The following ITSN2 variants were observed in gnomAD, a reference collection of about 807,000 sequenced individuals.
ITSN2 encodes the protein intersectin-2.
In ITSN2, 156 loss-of-function variants were observed where a neutral mutation model predicts 243.7. That is an observed-to-expected ratio of 0.64 (90% CI 0.56 to 0.73). ITSN2 has a LOEUF of 0.73. Among genes scored for constraint, ITSN2 ranks in the 30% least tolerant of loss-of-function variants. The pLI is 0.00. For missense variants in ITSN2, 1,801 were observed against 1,996.1 expected (o/e 0.90, Z 1.86); for synonymous variants, 703 against 699.9 (o/e 1.00, Z -0.07).
chr2:24,299,133 G>C (rs950139666), intron 12 of ITSN2, among the ~76,000 whole-genome samples: 1 of 150,152 alleles, frequency 6.7e-6, no homozygotes, highest in East Asian at 2.0e-4. Flanking sequence ...GGGCTCAAGC[G>C]ATTCTCCTGC....
At chr2:24,340,548 A>G (rs1031008397) in intron 1 of ITSN2, among the ~76,000 whole-genome samples, 1 of 152,030 alleles carries the variant, frequency 6.6e-6, no homozygotes, top group Admixed American at 6.6e-5. Context: ...AAATCGTCGC[A>G]GTCCCCAAAG....
At chr2:24,317,054 C>T (rs1684013653) in intron 2 of ITSN2, among the ~76,000 whole-genome samples, 1 of 152,194 alleles carries the variant, frequency 6.6e-6, no homozygotes, top group African/African-American at 2.4e-5. Flanking sequence ...AAGATATAGA[C>T]ACTGGCCCCA....
chr2:24,337,061 T>TC (rs1390557967), intron 1 of ITSN2, among the ~76,000 whole-genome samples: 1 of 150,276 alleles, frequency 6.7e-6, no homozygotes, highest in Non-Finnish European at 1.5e-5. Flanking sequence ...ACTTGGCTTT[T>TC]CTTTTTTTTT....
intron 24 of ITSN2, among the ~76,000 whole-genome samples, chr2:24,253,080 T>G (rs1192040238): frequency 3.3e-5 from 5 of 152,192 alleles, no homozygotes; most frequent in Admixed American, 1.3e-4. Flanking sequence ...TGTTAACAAA[T>G]GACCTCAAGG....
intron 39 of ITSN2, 138 bp from the exon 40 acceptor site, chr2:24,203,921 C>T (rs545079671): frequency 1.8e-5 from 15 of 855,674 alleles, no homozygotes; most frequent in African/African-American, 1.0e-4. Context: ...TGTTGAATGT[C>T]GTGAGTGGGT....
intron 20 of ITSN2, among the ~76,000 whole-genome samples, chr2:24,263,598 C>G (rs561538995): frequency 8.9e-4 from 136 of 152,240 alleles, no homozygotes; most frequent in African/African-American, 3.2e-3. Context: ...TCCCTGCCAT[C>G]TCTACGAAAA....
rs937676000 is a variant in ITSN2, at chr2:24,298,579, A to G, written c.1494+86T>C. The G allele has an allele frequency of 2.3e-6, 3 of 1,280,668 alleles. No individual in the cohort carries two copies. In the African/African-American group the frequency reaches 4.6e-5, roughly 19 times the overall value. 79.3% of individuals were successfully genotyped at this position (1,280,668 alleles called of 1,614,324 possible). On this transcript the variant is annotated intron_variant, in intron 13 of 39. Coordinates refer to ENST00000355123, the MANE Select transcript of ITSN2 (RefSeq NM_006277.3). Reference sequence around the variant, plus strand: ...CCAAAGTGCTAGGATAACAGGTGTGAGCCACCACGCCTGGCCCACAATTAC... The same window carrying G: ...CCAAAGTGCTAGGATAACAGGTGTGGGCCACCACGCCTGGCCCACAATTAC...
chr2:24,310,162 G>C (rs1437768626), intron 7 of ITSN2, 122 bp downstream of exon 7: 6 of 616,294 alleles, frequency 9.7e-6, no homozygotes, highest in Non-Finnish European at 1.7e-5. Context: ...TTTACCTTAA[G>C]TATTTGTACT....
At chr2:24,268,359 C>T (rs1428896849) in intron 20 of ITSN2, among the ~76,000 whole-genome samples, 1 of 152,190 alleles carries the variant, frequency 6.6e-6, no homozygotes, top group Non-Finnish European at 1.5e-5. Flanking sequence ...ATCCCTCCCA[C>T]CCTTTCTTCC....
chr2:24,269,651 T>G (rs1024870795), intron 20 of ITSN2, among the ~76,000 whole-genome samples: 26 of 152,222 alleles, frequency 1.7e-4, no homozygotes, highest in African/African-American at 6.3e-4. Flanking sequence ...GCTTTTTCAT[T>G]AGCCTACAAG....
chr2:24,246,725 A>T (rs1673420821), intron 28 of ITSN2, 72 bp downstream of exon 28: 1 of 864,352 alleles, frequency 1.2e-6, no homozygotes, highest in East Asian at 2.4e-5. Flanking sequence ...CCAAAGATTG[A>T]GCTAATCTAA....
chr2:24,299,474 GCCT>G (rs1473703628), intron 12 of ITSN2, among the ~76,000 whole-genome samples: 1 of 152,030 alleles, frequency 6.6e-6, no homozygotes. Context: ...TATCCCAAAG[GCCT>G]GTGCAAGCCC....
At chr2:24,233,893 A>G (rs1671862299) in intron 29 of ITSN2, among the ~76,000 whole-genome samples, 2 of 152,186 alleles carry the variant, frequency 1.3e-5, no homozygotes, top group Non-Finnish European at 2.9e-5. Context: ...GCCTTTTGAC[A>G]AGCTTAAAAC....
intron 29 of ITSN2, among the ~76,000 whole-genome samples, chr2:24,245,262 A>ACAGACC (rs1673201010): frequency 1.3e-5 from 2 of 152,184 alleles, no homozygotes; most frequent in Non-Finnish European, 2.9e-5. Flanking sequence ...AAATAATGAA[A>ACAGACC]TAGACCTTGA....
chr2:24,329,293 C>G (rs892136861), intron 1 of ITSN2, among the ~76,000 whole-genome samples: 2 of 152,002 alleles, frequency 1.3e-5, no homozygotes, highest in Non-Finnish European at 2.9e-5. Context: ...CGGAGTCTCG[C>G]TCTGTCGCCC....
chr2:24,293,129 C>T (rs184413333), intron 15 of ITSN2: 20 of 152,200 alleles, frequency 1.3e-4, no homozygotes, highest in Middle Eastern at 3.4e-3. Context: ...AAAACAAAAA[C>T]AGTTACTATC....
At chr2:24,210,628 A>G (rs529714230) in intron 34 of ITSN2, 152 bp downstream of exon 34, 37 of 638,864 alleles carry the variant, frequency 5.8e-5, no homozygotes, top group East Asian at 4.9e-4. Context: ...AAAAAAAAAA[A>G]AAAAAAGAAA....
intron 1 of ITSN2, among the ~76,000 whole-genome samples, chr2:24,348,454 T>G (rs1687750294): frequency 6.6e-6 from 1 of 152,148 alleles, no homozygotes; most frequent in African/African-American, 2.4e-5. Context: ...CTTCCCAAAG[T>G]GCTAGGATTA....
chr2:24,306,207 T>C (rs1682516851), intron 8 of ITSN2, among the ~76,000 whole-genome samples: 1 of 152,048 alleles, frequency 6.6e-6, no homozygotes, highest in Non-Finnish European at 1.5e-5. Flanking sequence ...CTCAAACTCC[T>C]GACCTCAAGT....
Sources: gnomAD v4.1 joint callset for allele counts (sites outside exome capture counted in the v4.1 genomes callset) on GRCh38, gnomAD v4.1.1 for gene constraint, MANE v1.5 for transcripts, NCBI Gene and HGNC (gene_info 2026-07-23, HGNC 2026-07-21) for gene names.